Variants in CSMD1 observed in about 807,000 individuals in gnomAD.
CSMD1 encodes CUB and Sushi multiple domains 1.
CSMD1 carries 213 observed loss-of-function variants against 417.5 expected under a neutral mutation model. The observed-to-expected ratio is 0.51, with a 90% confidence interval of 0.46 to 0.57. The LOEUF (loss-of-function observed/expected upper bound fraction) is 0.57, where lower values mean the gene tolerates loss of function less well. Ranked by LOEUF, CSMD1 falls within the 20% of genes least tolerant of loss-of-function variation. The pLI is 0.00. For missense variants in CSMD1, 6,923 were observed against 4,529.7 expected, an observed-to-expected ratio of 1.53 and a Z score of -15.17; for synonymous variants, 2,862 against 1,736.8, an observed-to-expected ratio of 1.65 and a Z score of -16.11.
chr8:4,140,074 C>T (rs1803688584), intron 3 of CSMD1, among the ~76,000 whole-genome samples: 1 of 150,918 alleles, frequency 6.6e-6, no homozygotes, highest in South Asian at 2.1e-4. Flanking sequence ...AGACAATAGC[C>T]AGGTACAGTT....
intron 7 of CSMD1, among the ~76,000 whole-genome samples, chr8:3,686,074 G>A (rs913188674): frequency 1.4e-5 from 2 of 144,890 alleles, no homozygotes; most frequent in Admixed American, 1.4e-4. Flanking sequence ...ATTCTTATCA[G>A]CCTCTGATAA....
intron 6 of CSMD1, among the ~76,000 whole-genome samples, chr8:3,741,213 T>TA (rs58662516): frequency 0.013 from 868 of 67,204 alleles, 85 homozygotes; most frequent in African/African-American, 0.041. Flanking sequence ...GACTCCGTCT[T>TA]AAAAAAAAAA....
intron 3 of CSMD1, among the ~76,000 whole-genome samples, chr8:4,044,106 T>C (rs1798029272): frequency 6.6e-6 from 1 of 152,198 alleles, no homozygotes; most frequent in African/African-American, 2.4e-5. Context: ...TATTATTTGA[T>C]ATGATATTTT....
intron 2 of CSMD1, among the ~76,000 whole-genome samples, chr8:4,578,620 G>C (rs1415912615): frequency 6.6e-6 from 1 of 151,136 alleles, no homozygotes; most frequent in Non-Finnish European, 1.5e-5. Context: ...TTCAAGATCA[G>C]CCTGGCCAAC....
At chr8:3,681,227 T>G (rs1799645333) in intron 7 of CSMD1, among the ~76,000 whole-genome samples, 1 of 152,138 alleles carries the variant, frequency 6.6e-6, no homozygotes, top group Admixed American at 6.6e-5. Context: ...GATATTCAAT[T>G]AGGAAAAGAG....
At chr8:4,200,260 G>A (rs1799570514) in intron 3 of CSMD1, among the ~76,000 whole-genome samples, 1 of 152,110 alleles carries the variant, frequency 6.6e-6, no homozygotes, top group Admixed American at 6.6e-5. Context: ...ATACACTGAT[G>A]ATAATTACCT....
At chr8:4,026,443 A>AGAC (rs1797069562) in intron 4 of CSMD1, among the ~76,000 whole-genome samples, 1 of 152,222 alleles carries the variant, frequency 6.6e-6, no homozygotes, top group South Asian at 2.1e-4. Flanking sequence ...CTGTTATGTC[A>AGAC]ACTTTGACTA....
At chr8:4,332,384 C>T (rs1318918755) in intron 3 of CSMD1, among the ~76,000 whole-genome samples, 4 of 152,038 alleles carry the variant, frequency 2.6e-5, no homozygotes, top group Non-Finnish European at 5.9e-5. Context: ...ACGATTCCTA[C>T]CATGCGGCAG....
At chr8:4,577,571 T>C (rs1229562427) in intron 2 of CSMD1, among the ~76,000 whole-genome samples, 2 of 152,116 alleles carry the variant, frequency 1.3e-5, no homozygotes, top group South Asian at 2.1e-4. Context: ...GGGTGTGAAA[T>C]TGCTTTTCCC....
chr8:3,477,757 C>T (rs1032941143), intron 11 of CSMD1, among the ~76,000 whole-genome samples: 1 of 152,134 alleles, frequency 6.6e-6, no homozygotes, highest in African/African-American at 2.4e-5. Flanking sequence ...TCTTCAGATA[C>T]AGTATTGAGG....
chr8:3,560,127 G>C (rs554970552), intron 10 of CSMD1, among the ~76,000 whole-genome samples: 1 of 152,208 alleles, frequency 6.6e-6, no homozygotes. Context: ...TTGTAGTGCT[G>C]GGTTCAGCAA....
At position 3,744,898 on chromosome 8, in the gene CSMD1, C is replaced by T. The variant is rs59929721; in HGVS notation, c.931+9032G>A. On this transcript the variant is annotated intron_variant, in intron 6 of 69. Transcript: ENST00000635120. Reference sequence around the variant, plus strand: ...AGGGATGGTGTTCAAACATGCTGAGCGCTTTAGTTGAGTGGGCCTGAAGCA... The same window carrying T: ...AGGGATGGTGTTCAAACATGCTGAGTGCTTTAGTTGAGTGGGCCTGAAGCA... Among the ~76,000 whole-genome samples the T allele has an allele frequency of 6.6e-3, 999 of 152,230 alleles. 11 individuals are homozygous for T. The highest frequency in any genetic ancestry group is 0.034 in the Middle Eastern group (10 of 294).
At chr8:3,227,044 G>T (rs1046303229) in intron 27 of CSMD1, among the ~76,000 whole-genome samples, 1 of 152,192 alleles carries the variant, frequency 6.6e-6, no homozygotes, top group Non-Finnish European at 1.5e-5. Flanking sequence ...GTGAGTCAGA[G>T]AAAACATTAA....
chr8:4,756,700 C>A (rs1811689965), intron 1 of CSMD1, among the ~76,000 whole-genome samples: 1 of 152,140 alleles, frequency 6.6e-6, no homozygotes, highest in Non-Finnish European at 1.5e-5. Context: ...AGTTTTCACC[C>A]CATGGTTCCA....
intron 4 of CSMD1, among the ~76,000 whole-genome samples, chr8:4,009,805 C>G (rs1429947572): frequency 3.9e-5 from 6 of 152,060 alleles, no homozygotes; most frequent in Non-Finnish European, 2.9e-5. Context: ...GCTCCATCCC[C>G]CTCCCTCCTG....
intron 12 of CSMD1, 67 bp from the exon 13 acceptor site, chr8:3,409,672 T>C: frequency 7.8e-7 from 1 of 1,287,604 alleles, no homozygotes; most frequent in Non-Finnish European, 1.0e-6. Flanking sequence ...TCTCTACAAC[T>C]TAGAAAGTAA....
chr8:3,817,179 C>T (rs1018341176), intron 5 of CSMD1, among the ~76,000 whole-genome samples: 1 of 151,012 alleles, frequency 6.6e-6, no homozygotes, highest in South Asian at 2.1e-4. Flanking sequence ...ACCCCTCCCC[C>T]TCCCCAATGA....
intron 5 of CSMD1, among the ~76,000 whole-genome samples, chr8:3,838,398 CTATA>C (rs34113085): frequency 0.023 from 3,383 of 149,190 alleles, 137 homozygotes; most frequent in African/African-American, 0.078. Flanking sequence ...TATATATAGC[CTATA>C]TATATAGAGA....
intron 41 of CSMD1, among the ~76,000 whole-genome samples, chr8:3,137,906 T>C (rs944419212): frequency 2.0e-5 from 3 of 152,152 alleles, no homozygotes; most frequent in African/African-American, 7.2e-5. Context: ...TGCCTGTCAG[T>C]CTAGGTTCAT....
Sources: allele counts gnomAD v4.1 joint callset (sites outside exome capture counted in the v4.1 genomes callset), GRCh38; gene constraint gnomAD v4.1.1; transcripts MANE v1.5; gene names NCBI Gene and HGNC (gene_info 2026-07-23, HGNC 2026-07-21).